Variants in CTNNA3 observed in about 807,000 individuals in gnomAD.
The protein encoded by CTNNA3 is catenin alpha 3.
Under a neutral mutation model 95.7 loss-of-function variants are expected in CTNNA3, and 76 were observed. The observed-to-expected ratio is 0.79, with a 90% CI of 0.66 to 0.96. The LOEUF is 0.96. CTNNA3 is among the 40% of genes least tolerant of loss of function. The pLI, the probability that CTNNA3 is intolerant of heterozygous loss-of-function variation, is 0.00. For synonymous variants in CTNNA3, 431 were observed against 374.4 expected (o/e 1.15, Z -1.74); for missense variants, 1,191 against 1,089.8 (o/e 1.09, Z -1.31).
At chr10:65,976,976 C>A (rs1214551459) in intron 16 of CTNNA3, among the ~76,000 whole-genome samples, 1 of 152,028 alleles carries the variant, frequency 6.6e-6, no homozygotes, top group African/African-American at 2.4e-5. Context: ...TAAATATGTA[C>A]AATTTTTACA....
intron 14 of CTNNA3, among the ~76,000 whole-genome samples, chr10:66,090,784 T>C (rs1589374933): frequency 6.6e-6 from 1 of 152,178 alleles, no homozygotes; most frequent in East Asian, 1.9e-4. Context: ...TTACATGGGA[T>C]TTTAGCCAAG....
At chr10:67,012,856 C>T (rs1397383554) in intron 7 of CTNNA3, 1 of 151,972 alleles carries the variant, frequency 6.6e-6, no homozygotes, top group African/African-American at 2.4e-5. Context: ...ATATGTTCTG[C>T]AGGTGGGAAA....
intron 10 of CTNNA3, among the ~76,000 whole-genome samples, chr10:66,568,516 T>C (rs983213188): frequency 4.6e-5 from 7 of 152,032 alleles, no homozygotes; most frequent in Admixed American, 4.6e-4. Flanking sequence ...TTGAATAATT[T>C]ATAAAGGATA....
chr10:67,483,402 TG>T (rs1434655621), intron 5 of CTNNA3, among the ~76,000 whole-genome samples: 3 of 147,170 alleles, frequency 2.0e-5, no homozygotes, highest in Non-Finnish European at 4.4e-5. Context: ...ATTAAGAAAA[TG>T]TGGCACATAT....
intron 11 of CTNNA3, among the ~76,000 whole-genome samples, chr10:66,396,382 A>C (rs1209011563): frequency 1.3e-5 from 2 of 152,000 alleles, no homozygotes; most frequent in Non-Finnish European, 2.9e-5. Flanking sequence ...ATAATTAATG[A>C]TGTAGTTTAC....
intron 7 of CTNNA3, among the ~76,000 whole-genome samples, chr10:66,948,128 C>G (rs1362580203): frequency 6.6e-6 from 1 of 152,104 alleles, no homozygotes; most frequent in Non-Finnish European, 1.5e-5. Flanking sequence ...TATATGTAGT[C>G]CCTCATTGGC....
At chr10:66,034,424 T>C (rs1011874991) in intron 15 of CTNNA3, among the ~76,000 whole-genome samples, 3 of 152,206 alleles carry the variant, frequency 2.0e-5, no homozygotes, top group African/African-American at 7.2e-5. Flanking sequence ...GTTGAATTTC[T>C]GGAGCTTCTG....
At chr10:66,985,649 G>A (rs551403688) in intron 7 of CTNNA3, among the ~76,000 whole-genome samples, 66 of 152,220 alleles carry the variant, frequency 4.3e-4, no homozygotes, top group African/African-American at 1.5e-3. Context: ...ACCAGGAAGG[G>A]CAGGTGGAAA....
In CTNNA3 at chr10:67,136,235, T is replaced by A. The variant is rs534897283; in HGVS notation, c.1047+44082A>T. Among the ~76,000 whole-genome samples, 5 of 152,168 alleles carry A rather than the reference T, an allele frequency of 3.3e-5. No homozygotes were observed. In the South Asian group the frequency reaches 1.0e-3, roughly 32 times the overall value. On this transcript the variant is annotated intron_variant, in intron 7 of 17. Coordinates refer to ENST00000433211, the MANE Select transcript of CTNNA3 (RefSeq NM_013266.4). ...TTATATTTTCTATTTTTAGGGTAAT[T>A]TCTATTTTCCTTATACCACTATTAT... is the stretch of plus-strand genomic sequence containing the variant.
At chr10:66,202,636 G>A (rs749638535) in intron 13 of CTNNA3, among the ~76,000 whole-genome samples, 1 of 151,918 alleles carries the variant, frequency 6.6e-6, no homozygotes, top group Non-Finnish European at 1.5e-5. Context: ...TACCAGACTG[G>A]GTAATCAAAC....
chr10:67,282,131 A>G (rs1012732910), intron 5 of CTNNA3, among the ~76,000 whole-genome samples: 2 of 152,152 alleles, frequency 1.3e-5, no homozygotes, highest in East Asian at 3.9e-4. Context: ...CTATCATAAT[A>G]AATATTATTT....
chr10:66,959,987 G>A (rs1413512243), intron 7 of CTNNA3, among the ~76,000 whole-genome samples: 1 of 152,078 alleles, frequency 6.6e-6, no homozygotes, highest in Non-Finnish European at 1.5e-5. Flanking sequence ...AGGCTAGTCT[G>A]TACTGAGTTT....
At chr10:67,695,893 A>G (rs1044968378) in intron 1 of CTNNA3, 107 bp downstream of exon 1, 2 of 152,242 alleles carry the variant, frequency 1.3e-5, no homozygotes, top group African/African-American at 4.8e-5. Context: ...AGTTCAGAAG[A>G]AAACCCCAAA....
chr10:66,278,101 G>A (rs898455537), intron 13 of CTNNA3, among the ~76,000 whole-genome samples: 1 of 149,870 alleles, frequency 6.7e-6, no homozygotes, highest in African/African-American at 2.5e-5. Flanking sequence ...TAAATCATAT[G>A]AAGAATCATA....
chr10:67,599,459 T>C (rs190464635), intron 3 of CTNNA3, among the ~76,000 whole-genome samples: 1 of 152,028 alleles, frequency 6.6e-6, no homozygotes, highest in Middle Eastern at 3.2e-3. Flanking sequence ...AAGGGTGTAA[T>C]GCAACTATCA....
chr10:66,425,117 A>C (rs2093228240), intron 11 of CTNNA3, among the ~76,000 whole-genome samples: 1 of 151,920 alleles, frequency 6.6e-6, no homozygotes, highest in Non-Finnish European at 1.5e-5. Context: ...TATTTAAAAA[A>C]ATCCTCTATA....
intron 13 of CTNNA3, among the ~76,000 whole-genome samples, chr10:66,230,983 C>A (rs971331300): frequency 6.6e-6 from 1 of 152,064 alleles, no homozygotes; most frequent in Non-Finnish European, 1.5e-5. Flanking sequence ...GGCTATTGGG[C>A]CCCAGGGAAG....
chr10:66,026,413 G>C (rs1210185120), intron 15 of CTNNA3, among the ~76,000 whole-genome samples: 1 of 152,024 alleles, frequency 6.6e-6, no homozygotes, highest in Non-Finnish European at 1.5e-5. Context: ...AGTCTCGATT[G>C]TTCTCTAAAG....
intron 1 of CTNNA3, among the ~76,000 whole-genome samples, chr10:67,695,147 C>A (rs1259426795): frequency 1.7e-4 from 26 of 152,192 alleles, no homozygotes. Flanking sequence ...AAACCCAGAA[C>A]CAATGCAAAC....
Sources: allele counts gnomAD v4.1 joint callset (sites outside exome capture counted in the v4.1 genomes callset), GRCh38; gene constraint gnomAD v4.1.1; transcripts MANE v1.5; gene names NCBI Gene and HGNC (gene_info 2026-07-23, HGNC 2026-07-21).